AKAP6: variants seen among roughly 807,000 people sequenced by gnomAD.
The protein encoded by AKAP6 is A-kinase anchor protein 6.
Under a neutral mutation model 188.5 loss-of-function variants are expected in AKAP6, and 58 were observed. The ratio of observed to expected loss-of-function variants is 0.31; its 90% confidence interval spans 0.25 to 0.38. The LOEUF (loss-of-function observed/expected upper bound fraction) is 0.38, where lower values mean the gene tolerates loss of function less well. Among genes scored for constraint, AKAP6 ranks in the 10% least tolerant of loss-of-function variants. The pLI, the probability that AKAP6 is intolerant of heterozygous loss-of-function variation, is 1.00. For missense variants in AKAP6, 2,710 were observed against 2,740.0 expected (o/e 0.99, Z 0.24); for synonymous variants, 989 against 998.6 (o/e 0.99, Z 0.18).
intron 4 of AKAP6, among the ~76,000 whole-genome samples, chr14:32,573,688 T>C (rs1194327296): frequency 3.9e-5 from 6 of 152,200 alleles, no homozygotes; most frequent in Non-Finnish European, 1.5e-5. Context: ...TGACCAATAT[T>C]TGTTGCATTA....
intron 4 of AKAP6, among the ~76,000 whole-genome samples, chr14:32,563,081 G>A (rs1041866877): frequency 6.6e-6 from 1 of 152,118 alleles, no homozygotes; most frequent in East Asian, 1.9e-4. Flanking sequence ...GTACCAAAAG[G>A]ATGAATATTC....
At chr14:32,683,029 T>A (rs2139653917) in intron 8 of AKAP6, among the ~76,000 whole-genome samples, 1 of 152,046 alleles carries the variant, frequency 6.6e-6, no homozygotes, top group South Asian at 2.1e-4. Context: ...AGCCTTGCTC[T>A]GTCGCCCAGG....
intron 1 of AKAP6, chr14:32,375,968 C>T (rs1466120437): frequency 1.3e-5 from 2 of 152,164 alleles, no homozygotes; most frequent in Non-Finnish European, 1.5e-5. Flanking sequence ...TAAAATGCTC[C>T]ATATTTTCTG....
intron 1 of AKAP6, among the ~76,000 whole-genome samples, chr14:32,352,341 T>A (rs568621546): frequency 1.3e-5 from 2 of 152,208 alleles, no homozygotes; most frequent in East Asian, 3.9e-4. Flanking sequence ...CGTACAAGTA[T>A]GTATTTTGTA....
intron 5 of AKAP6, among the ~76,000 whole-genome samples, chr14:32,591,851 C>G (rs1885502037): frequency 1.3e-5 from 2 of 152,056 alleles, no homozygotes; most frequent in African/African-American, 4.8e-5. Context: ...GGGAAATAGA[C>G]AATTGTGGTA....
chr14:32,670,527 G>A (rs1401739002), intron 7 of AKAP6, among the ~76,000 whole-genome samples: 1 of 152,114 alleles, frequency 6.6e-6, no homozygotes, highest in Non-Finnish European at 1.5e-5. Context: ...TGCATTGAAG[G>A]TAAAAAAGAT....
intron 11 of AKAP6, among the ~76,000 whole-genome samples, chr14:32,767,086 C>A (rs1431723981): frequency 1.3e-5 from 2 of 152,004 alleles, no homozygotes; most frequent in African/African-American, 4.8e-5. Flanking sequence ...TTAATTATAC[C>A]AGAGCTTTTT....
intron 11 of AKAP6, among the ~76,000 whole-genome samples, chr14:32,771,368 G>A (rs963668536): frequency 6.8e-6 from 1 of 146,816 alleles, no homozygotes; most frequent in African/African-American, 2.5e-5. Context: ...CTGCAGAATT[G>A]TGAATATCCA....
chr14:32,700,457 G>A (rs933076960), intron 9 of AKAP6, among the ~76,000 whole-genome samples: 14 of 152,258 alleles, frequency 9.2e-5, no homozygotes, highest in Admixed American at 3.3e-4. Context: ...TTCCTTGAAC[G>A]ATAGCTTACC....
At chr14:32,762,108 G>A (rs570183809) in intron 11 of AKAP6, among the ~76,000 whole-genome samples, 40 of 152,218 alleles carry the variant, frequency 2.6e-4, no homozygotes, top group African/African-American at 2.9e-4. Flanking sequence ...TGGCTAAGTC[G>A]TGTTTATATC....
chr14:32,829,631 A>T (rs2034775434), intron 13 of AKAP6, among the ~76,000 whole-genome samples: 1 of 151,860 alleles, frequency 6.6e-6, no homozygotes, highest in Non-Finnish European at 1.5e-5. Context: ...AAAAAAAAAA[A>T]ATCAATGTAT....
chr14:32,832,590 A>G lies in AKAP6; in HGVS notation c.*2785A>G, dbSNP rs1361240257. The G allele has an allele frequency of 1.3e-5, 2 of 152,130 alleles. No individual in the cohort carries two copies. Among genetic ancestry groups the G allele is most frequent in the Admixed American group, 6.6e-5 (1 of 15,264 alleles). The allele number at this position is 152,130 out of a possible 1,614,324, so 9.4% of individuals were successfully genotyped here. On this transcript the variant is annotated 3_prime_UTR_variant, in exon 14 of 14. Coordinates refer to ENST00000280979, the MANE Select transcript of AKAP6 (RefSeq NM_004274.5). ...ACCCCATGTAGGCACTACCTCCCCAATTACCCTTAGAAAATGATCACACCA... is the reference window on the plus strand; with the variant it reads ...ACCCCATGTAGGCACTACCTCCCCAGTTACCCTTAGAAAATGATCACACCA...
chr14:32,443,779 A>G (rs1890669864), intron 2 of AKAP6, among the ~76,000 whole-genome samples: 1 of 152,246 alleles, frequency 6.6e-6, no homozygotes, highest in Admixed American at 6.5e-5. Flanking sequence ...AGTACATGCC[A>G]GATACTTGCC....
intron 7 of AKAP6, among the ~76,000 whole-genome samples, chr14:32,665,172 A>G (rs1888872257): frequency 6.6e-6 from 1 of 151,998 alleles, no homozygotes; most frequent in African/African-American, 2.4e-5. Context: ...GAGGCCTCTA[A>G]TTCAGTTCCA....
intron 13 of AKAP6, among the ~76,000 whole-genome samples, chr14:32,827,108 A>G (rs2034693301): frequency 6.6e-6 from 1 of 152,208 alleles, no homozygotes. Flanking sequence ...ATCAACCAGG[A>G]CAAATTATTT....
chr14:32,560,321 T>C (rs1883896296), intron 4 of AKAP6, among the ~76,000 whole-genome samples: 1 of 152,158 alleles, frequency 6.6e-6, no homozygotes, highest in African/African-American at 2.4e-5. Context: ...TTGCGCAAGG[T>C]TGGTCCAGAA....
chr14:32,598,872 A>T (rs545391944), intron 5 of AKAP6, among the ~76,000 whole-genome samples: 8 of 152,278 alleles, frequency 5.3e-5, no homozygotes, highest in Admixed American at 4.6e-4. Context: ...ACTTTTAAAA[A>T]GCAAAGATCT....
chr14:32,766,545 G>C (rs958076688), intron 11 of AKAP6, among the ~76,000 whole-genome samples: 2 of 152,034 alleles, frequency 1.3e-5, no homozygotes, highest in Non-Finnish European at 2.9e-5. Context: ...TCCTACTAGG[G>C]GGTGAAGTAA....
intron 4 of AKAP6, among the ~76,000 whole-genome samples, chr14:32,572,561 G>A (rs1030213620): frequency 6.6e-6 from 1 of 152,164 alleles, no homozygotes; most frequent in African/African-American, 2.4e-5. Flanking sequence ...ACCAAACAAG[G>A]CTTGTTGTAG....
Sources: allele counts gnomAD v4.1 joint callset (sites outside exome capture counted in the v4.1 genomes callset), GRCh38; gene constraint gnomAD v4.1.1; transcripts MANE v1.5; gene names NCBI Gene and HGNC (gene_info 2026-07-23, HGNC 2026-07-21).